CRYBB1: variants seen among roughly 807,000 people sequenced by gnomAD.
CRYBB1 encodes beta-crystallin B1.
CRYBB1 carries 16 observed loss-of-function variants against 29.5 expected under a neutral mutation model. The ratio of observed to expected loss-of-function variants is 0.54; its 90% CI spans 0.37 to 0.82. The LOEUF is 0.82. CRYBB1 is among the 40% of genes least tolerant of loss of function. The probability of loss-of-function intolerance (pLI) is 0.00; values close to 1 mark genes in which losing one functional copy is unlikely to be tolerated. For synonymous variants in CRYBB1, 127 were observed against 136.7 expected, an observed-to-expected ratio of 0.93 and a Z score of 0.49; for missense variants, 300 against 350.5, an observed-to-expected ratio of 0.86 and a Z score of 1.15.
Position 26,601,130 on chromosome 22 carries a change from A to G in CRYBB1, c.575+749T>C, listed in dbSNP as rs543123144. Among the ~76,000 whole-genome samples, 6 of 152,346 alleles carry G rather than the reference A, an allele frequency of 3.9e-5. No homozygotes were observed. In the South Asian group the frequency reaches 1.2e-3, roughly 32 times the overall value. On this transcript the variant is annotated intron_variant, in intron 5 of 5. Coordinates refer to ENST00000647684, the MANE Select transcript of CRYBB1 (RefSeq NM_001887.4). ...AAGGAACAAGAAAAAGGCCATAGCCATGATGGTGTTACAGGAGCTCAGAAC... is the reference window on the plus strand; with the variant it reads ...AAGGAACAAGAAAAAGGCCATAGCCGTGATGGTGTTACAGGAGCTCAGAAC...
At chr22:26,607,809 T>A in intron 4 of CRYBB1, 80 bp downstream of exon 4, 1 of 1,601,188 alleles carries the variant, frequency 6.2e-7, no homozygotes. Context: ...CATCTCCTTC[T>A]TGCCCTTGTC....
intron 4 of CRYBB1, among the ~76,000 whole-genome samples, chr22:26,604,775 C>G (rs1442092590): frequency 2.0e-5 from 3 of 152,170 alleles, no homozygotes; most frequent in Non-Finnish European, 2.9e-5. Context: ...GACAAATGCC[C>G]TTAGTGCAAT....
At chr22:26,602,078 A>T in intron 4 of CRYBB1, 57 bp from the exon 5 acceptor site, 1 of 1,603,052 alleles carries the variant, frequency 6.2e-7, no homozygotes, top group Non-Finnish European at 8.5e-7. Context: ...AAAGAGAAGA[A>T]ACTTAGCGGG....
At chr22:26,606,549 C>T (rs192054729) in intron 4 of CRYBB1, among the ~76,000 whole-genome samples, 3 of 152,318 alleles carry the variant, frequency 2.0e-5, no homozygotes, top group Admixed American at 1.3e-4. Flanking sequence ...AAACAAACCC[C>T]TTAACATAGG....
At chr22:26,615,767 G>A (rs577677497) in intron 2 of CRYBB1, among the ~76,000 whole-genome samples, 6 of 152,146 alleles carry the variant, frequency 3.9e-5, no homozygotes, top group African/African-American at 1.2e-4. Flanking sequence ...ACCTGCCTCG[G>A]CCTCCCAAAG....
intron 4 of CRYBB1, among the ~76,000 whole-genome samples, chr22:26,604,152 CG>C (rs67637133): frequency 0.96 from 146,737 of 152,220 alleles, 70,771 homozygotes; most frequent in East Asian, 1. Context: ...AGAGTGATGC[CG>C]GACCTCAGTG....
At chr22:26,600,389 G>A (rs563084730) in intron 5 of CRYBB1, among the ~76,000 whole-genome samples, 4 of 151,852 alleles carry the variant, frequency 2.6e-5, no homozygotes, top group South Asian at 2.1e-4. Flanking sequence ...GGGACAGAGC[G>A]AGACTCCATC....
chr22:26,606,888 C>T (rs1245881596), intron 4 of CRYBB1, among the ~76,000 whole-genome samples: 1 of 152,180 alleles, frequency 6.6e-6, no homozygotes, highest in Non-Finnish European at 1.5e-5. Flanking sequence ...CTGTGAATCA[C>T]TTGGAGATAT....
In CRYBB1 at chr22:26,607,951, A is replaced by G; in HGVS notation, c.370T>C (p.Trp124Arg). 1 of 1,614,248 alleles carries G rather than the reference A, an allele frequency of 6.2e-7. No homozygotes were observed. Among genetic ancestry groups the G allele is most frequent in the Non-Finnish European group, 8.5e-7 (1 of 1,180,050 alleles). ...FILEKGEYPR[W>R]NTWSSSYRSD... Reference sequence around the variant, plus strand: ...CGGTAGCTGCTCGACCATGTGTTCCAGCGAGGGTACTCGCCCTTCTCCAGG... The same window carrying G: ...CGGTAGCTGCTCGACCATGTGTTCCGGCGAGGGTACTCGCCCTTCTCCAGG... The change falls in exon 4 of 6, where the codon TGG (tryptophan) becomes CGG (arginine). Residue 124 changes from tryptophan to arginine, a missense_variant. Transcript: ENST00000647684.
chr22:26,601,776 G>A (rs1928826620), intron 5 of CRYBB1, 103 bp downstream of exon 5: 1 of 1,575,012 alleles, frequency 6.3e-7, no homozygotes, highest in Non-Finnish European at 8.6e-7. Context: ...AAGGGGCCAT[G>A]GCCTTCTCTA....
In CRYBB1 at chr22:26,616,339, C is replaced by T. The variant is rs1415178883; in HGVS notation, c.-19-1G>A. ...AGACATGGTTCCCGCCTGCAAAAGT[C>T]TGTAAAGAAACTCTGGCCTTCAGGG... On this transcript the variant is annotated splice_acceptor_variant, in intron 1 of 5. Coordinates refer to ENST00000647684, the MANE Select transcript of CRYBB1 (RefSeq NM_001887.4). LOFTEE classifies it low-confidence loss of function (5UTR_SPLICE). The T allele has an allele frequency of 6.2e-7, 1 of 1,609,384 alleles. No individual in the cohort carries two copies. Among genetic ancestry groups the T allele is most frequent in the Non-Finnish European group, 8.5e-7 (1 of 1,177,922 alleles).
chr22:26,607,999 T>C lies in CRYBB1; in HGVS notation c.322A>G (p.Asn108Asp). The change falls in exon 4 of 6, where the codon AAC (asparagine) becomes GAC (aspartate). Residue 108 changes from asparagine to aspartate, a missense_variant. Transcript: ENST00000647684. ...AGPWVAFEQS[N>D]FRGEMFILEK... ...AGGATGAACATCTCCCCGCGGAAGT[T>C]GGACTGCTCAAAGGCGACCCAGCTG... 1 of 1,614,186 alleles carries C rather than the reference T, an allele frequency of 6.2e-7. No homozygotes were observed. The highest frequency in any genetic ancestry group is 8.5e-7 in the Non-Finnish European group (1 of 1,180,034).
chr22:26,613,913 G>A (rs1018243653), intron 2 of CRYBB1, among the ~76,000 whole-genome samples: 2 of 152,134 alleles, frequency 1.3e-5, no homozygotes, highest in Admixed American at 6.5e-5. Context: ...AAGAGAATGC[G>A]CACCTGGGGT....
At chr22:26,616,857 C>T (rs574137454) in intron 1 of CRYBB1, among the ~76,000 whole-genome samples, 1 of 152,324 alleles carries the variant, frequency 6.6e-6, no homozygotes, top group South Asian at 2.1e-4. Context: ...GCCCAAACAG[C>T]TACTAAGTGG....
At chr22:26,616,401 C>T in intron 1 of CRYBB1, 63 bp from the exon 2 acceptor site, 1 of 1,108,828 alleles carries the variant, frequency 9.0e-7, no homozygotes. Flanking sequence ...CTCATAGCCC[C>T]ACATCCTGTG....
intron 3 of CRYBB1, 81 bp from the exon 4 acceptor site, chr22:26,608,102 C>G: frequency 6.2e-7 from 1 of 1,608,108 alleles, no homozygotes; most frequent in Non-Finnish European, 8.5e-7. Flanking sequence ...CTTTCTCTCT[C>G]CCCTGGCAAG....
At chr22:26,611,562 C>T (rs1351348551) in intron 3 of CRYBB1, among the ~76,000 whole-genome samples, 1 of 151,568 alleles carries the variant, frequency 6.6e-6, no homozygotes, top group Non-Finnish European at 1.5e-5. Flanking sequence ...GCAAGCTCCG[C>T]TTCCCGGGTT....
rs192667952 is a variant in CRYBB1, at chr22:26,609,959, C to T, written c.300-1938G>A. 6.4e-4 allele frequency among the ~76,000 whole-genome samples: 98 copies of T among 152,230 alleles called. 1 individual carries two copies. Among genetic ancestry groups the T allele is most frequent in the Admixed American group, 1.2e-3 (19 of 15,302 alleles). Reference sequence around the variant, plus strand: ...GGAACAGATACAGCACAGAGTAAGCCTCCAAATTAATACTGTTCCTGATTA... The same window carrying T: ...GGAACAGATACAGCACAGAGTAAGCTTCCAAATTAATACTGTTCCTGATTA... On this transcript the variant is annotated intron_variant, in intron 3 of 5. Transcript: ENST00000647684.
chr22:26,601,812 G>A, intron 5 of CRYBB1, 67 bp downstream of exon 5: 1 of 1,607,954 alleles, frequency 6.2e-7, no homozygotes, highest in East Asian at 2.2e-5. Flanking sequence ...AACCTGTAAG[G>A]GGAGCAGCCT....
Sources: allele counts gnomAD v4.1 joint callset (sites outside exome capture counted in the v4.1 genomes callset), GRCh38; gene constraint gnomAD v4.1.1; transcripts MANE v1.5; gene names NCBI Gene and HGNC (gene_info 2026-07-23, HGNC 2026-07-21).